SPON1: variants seen among roughly 807,000 people sequenced by gnomAD.
SPON1 encodes the protein spondin-1.
Under a neutral mutation model 111.7 loss-of-function variants are expected in SPON1, and 52 were observed. The ratio of observed to expected loss-of-function variants is 0.47; its 90% CI spans 0.37 to 0.59. SPON1 has a LOEUF of 0.59. Among genes scored for constraint, SPON1 ranks in the 20% least tolerant of loss-of-function variants. The probability of loss-of-function intolerance (pLI) is 0.00; values close to 1 mark genes in which losing one functional copy is unlikely to be tolerated. For missense variants in SPON1, 957 were observed against 1,068.5 expected (o/e 0.90, Z 1.46); for synonymous variants, 410 against 395.8 (o/e 1.04, Z -0.43).
At chr11:14,200,288 A>G (rs1247467344) in intron 6 of SPON1, among the ~76,000 whole-genome samples, 1 of 152,228 alleles carries the variant, frequency 6.6e-6, no homozygotes, top group Non-Finnish European at 1.5e-5. Flanking sequence ...TTAAGATCTC[A>G]GTTCTTTGCA....
At chr11:14,129,961 A>G (rs894468719) in intron 5 of SPON1, among the ~76,000 whole-genome samples, 1 of 152,016 alleles carries the variant, frequency 6.6e-6, no homozygotes, top group Non-Finnish European at 1.5e-5. Context: ...TGAGAACAGC[A>G]TAAGGGAAAC....
At position 14,267,305 on chromosome 11, in the gene SPON1, C is replaced by T. The variant is rs1026498799; in HGVS notation, c.*1618C>T. On this transcript the variant is annotated 3_prime_UTR_variant, in exon 16 of 16. Coordinates refer to ENST00000576479, the MANE Select transcript of SPON1 (RefSeq NM_006108.4). ...TTCAATAAAAGATAGGGCTTTTGCT[C>T]CCTTGTTCTTGGAGGGACCATTATT... 2.9e-4 allele frequency: 44 copies of T among 152,230 alleles called. No individual in the cohort carries two copies. The highest frequency in any genetic ancestry group is 1.0e-3 in the African/African-American group (42 of 41,538). 9.4% of individuals were successfully genotyped at this position (152,230 alleles called of 1,614,324 possible).
At chr11:14,082,947 T>C (rs1848975479) in intron 5 of SPON1, among the ~76,000 whole-genome samples, 1 of 152,194 alleles carries the variant, frequency 6.6e-6, no homozygotes, top group Non-Finnish European at 1.5e-5. Context: ...CTTAAGCTTT[T>C]AAATCTTAGG....
intron 6 of SPON1, among the ~76,000 whole-genome samples, chr11:14,238,273 G>A (rs754507899): frequency 6.6e-6 from 1 of 152,160 alleles, no homozygotes; most frequent in Non-Finnish European, 1.5e-5. Context: ...CATCAGGCAA[G>A]TTGGCCAGGC....
At chr11:14,093,825 A>G (rs1216522796) in intron 5 of SPON1, among the ~76,000 whole-genome samples, 1 of 152,198 alleles carries the variant, frequency 6.6e-6, no homozygotes, top group East Asian at 1.9e-4. Flanking sequence ...CTTCATACTC[A>G]TATCAGCTTA....
At chr11:14,009,448 A>G (rs1564884897) in intron 2 of SPON1, among the ~76,000 whole-genome samples, 1 of 152,096 alleles carries the variant, frequency 6.6e-6, no homozygotes, top group Non-Finnish European at 1.5e-5. Flanking sequence ...TTTCCTAATA[A>G]ATACCACTCA....
Position 14,262,741 on chromosome 11 carries a change from C to T in SPON1, c.2026C>T (p.Gln676Ter). The change falls in exon 15 of 16, where the codon CAG becomes TAG. Residue 676 changes from glutamine (Q) to a stop codon, truncating the protein, a stop_gained. Transcript: ENST00000576479. LOFTEE classifies it high-confidence loss of function. Reference protein sequence around the residue: ...PIDCELTEWSQWSECNKSCGK... With the variant: ...PIDCELTEWS ...TGACTGTGAGCTCACCGAGTGGTCC[C>T]AGTGGTCGGAATGTAACAAGTCATG... The T allele has an allele frequency of 6.2e-7, 1 of 1,613,924 alleles. No individual in the cohort carries two copies. Among genetic ancestry groups the T allele is most frequent in the Admixed American group, 1.7e-5 (1 of 60,018 alleles).
At chr11:14,043,300 G>A (rs781935540) in intron 3 of SPON1, among the ~76,000 whole-genome samples, 6 of 152,168 alleles carry the variant, frequency 3.9e-5, no homozygotes, top group Non-Finnish European at 8.8e-5. Flanking sequence ...GAAGCTGGAG[G>A]CAGGCTAACT....
intron 6 of SPON1, among the ~76,000 whole-genome samples, chr11:14,237,265 A>G (rs1262148024): frequency 6.6e-6 from 1 of 152,206 alleles, no homozygotes; most frequent in East Asian, 1.9e-4. Context: ...TAATGGGGCC[A>G]AATAGTGCTC....
chr11:14,260,785 T>G (rs1554941842), intron 14 of SPON1, 33 bp downstream of exon 14: 1 of 1,599,068 alleles, frequency 6.3e-7, no homozygotes, highest in Admixed American at 1.7e-5. Context: ...GCCCATCACT[T>G]CTATGTTCCT....
chr11:13,979,179 G>T (rs1848125441), intron 1 of SPON1, among the ~76,000 whole-genome samples: 1 of 152,158 alleles, frequency 6.6e-6, no homozygotes, highest in Non-Finnish European at 1.5e-5. Context: ...CCTGGCTTCT[G>T]GTGGTTGTCA....
chr11:14,262,650 A>G (rs1849199650), intron 14 of SPON1, 62 bp from the exon 15 acceptor site: 2 of 1,595,624 alleles, frequency 1.3e-6, no homozygotes, highest in Admixed American at 1.7e-5. Context: ...TGTTCAAAGG[A>G]GAGCGTGACC....
rs183555236 is a variant in SPON1 at position 14,075,289 on chromosome 11, C to T, written c.480-56C>T. On this transcript the variant is annotated intron_variant, in intron 3 of 15. Transcript: ENST00000576479. The stretch of plus-strand genomic sequence containing the variant: ...GCAGGGACTATGTCTGACTGATCTC[C>T]CAAACCTGCCTTCCTGCCCTCCTCA... The T allele has an allele frequency of 8.9e-4, 1,253 of 1,409,324 alleles. 4 individuals are homozygous for T. The highest frequency in any genetic ancestry group is 1.2e-3 in the Non-Finnish European group (1,172 of 1,017,658). The allele number at this position is 1,409,324 out of a possible 1,614,324, so 87.3% of individuals were successfully genotyped here.
chr11:14,218,710 G>A (rs1378204963), intron 6 of SPON1, among the ~76,000 whole-genome samples: 1 of 152,172 alleles, frequency 6.6e-6, no homozygotes, highest in Non-Finnish European at 1.5e-5. Context: ...TTCATCCATA[G>A]GATCAGTTCT....
Position 14,228,035 on chromosome 11 carries a change from AAC to A in SPON1, c.826-15293_826-15292del, listed in dbSNP as rs1447491238. On this transcript the variant is annotated intron_variant, in intron 6 of 15. Coordinates refer to ENST00000576479, the MANE Select transcript of SPON1 (RefSeq NM_006108.4). The surrounding 1 kb of genome is among the most constrained non-coding windows in gnomAD (Gnocchi z 4.2). Reference sequence around the variant, plus strand: ...AAAACAAAATAGTGATACTAATAATAACACAAATAAAACTGCAAACACTTTAA... The same window carrying A: ...AAAACAAAATAGTGATACTAATAATAACAAATAAAACTGCAAACACTTTAA... Among the ~76,000 whole-genome samples the A allele has an allele frequency of 6.6e-6, 1 of 152,238 alleles. No individual in the cohort carries two copies. The highest frequency in any genetic ancestry group is 1.5e-5 in the Non-Finnish European group (1 of 68,044).
At chr11:14,262,186 C>T (rs1243282775) in intron 14 of SPON1, among the ~76,000 whole-genome samples, 6 of 152,158 alleles carry the variant, frequency 3.9e-5, no homozygotes, top group Non-Finnish European at 8.8e-5. Context: ...CATAGACCAC[C>T]ATATATAGAA....
intron 6 of SPON1, among the ~76,000 whole-genome samples, chr11:14,207,673 C>T (rs1848530711): frequency 6.6e-6 from 1 of 152,134 alleles, no homozygotes; most frequent in Non-Finnish European, 1.5e-5. Flanking sequence ...TACCATCTCA[C>T]ACCACTCAGA....
chr11:14,126,117 C>G (rs11820694), intron 5 of SPON1, among the ~76,000 whole-genome samples: 2,745 of 152,250 alleles, frequency 0.018, 95 homozygotes, highest in African/African-American at 0.062. Context: ...AGATAGGGCC[C>G]ACCCACAATA....
intron 3 of SPON1, among the ~76,000 whole-genome samples, chr11:14,072,016 A>G (rs1848881093): frequency 6.6e-6 from 1 of 152,122 alleles, no homozygotes; most frequent in Non-Finnish European, 1.5e-5. Context: ...CGAACATTTT[A>G]CTGCAGAATA....
Sources: gnomAD v4.1 joint callset for allele counts (sites outside exome capture counted in the v4.1 genomes callset) on GRCh38, gnomAD v4.1.1 for gene constraint, Gnocchi (gnomAD v3.1) non-coding constraint, MANE v1.5 for transcripts, NCBI Gene and HGNC (gene_info 2026-07-23, HGNC 2026-07-21) for gene names.